The following FOXP2 variants were observed in gnomAD, a reference collection of about 807,000 sequenced individuals.
FOXP2 encodes forkhead box protein P2.
A neutral mutation model predicts 115.8 loss-of-function variants in FOXP2; 12 were observed. The ratio of observed to expected loss-of-function variants is 0.10; its 90% CI spans 0.07 to 0.17. FOXP2 has a LOEUF of 0.17. FOXP2 is among the 10% of genes least tolerant of loss of function. FOXP2 has a pLI of 1.00. For missense variants in FOXP2, 629 were observed against 843.5 expected, an observed-to-expected ratio of 0.75 and a Z score of 3.15; for synonymous variants, 328 against 297.7, an observed-to-expected ratio of 1.10 and a Z score of -1.05.
At chr7:114,250,468 AC>A (rs1396551374) in intron 1 of FOXP2, among the ~76,000 whole-genome samples, 1 of 152,090 alleles carries the variant, frequency 6.6e-6, no homozygotes, top group Non-Finnish European at 1.5e-5. Context: ...TTGTTTCCTG[AC>A]TTTTTAATGA....
At chr7:114,326,936 T>C (rs149916857) in intron 2 of FOXP2, among the ~76,000 whole-genome samples, 1 of 152,332 alleles carries the variant, frequency 6.6e-6, no homozygotes, top group African/African-American at 2.4e-5. Context: ...TCAAATGACC[T>C]ACATTTATTT....
intron 2 of FOXP2, among the ~76,000 whole-genome samples, chr7:114,328,195 A>G (rs1004558338): frequency 6.7e-6 from 1 of 149,774 alleles, no homozygotes; most frequent in African/African-American, 2.5e-5. Flanking sequence ...CTGAGATTAC[A>G]GGTGTGAGCC....
At chr7:114,656,570 G>C (rs1806601800) in intron 10 of FOXP2, 1 of 422,432 alleles carries the variant, frequency 2.4e-6, no homozygotes, top group Admixed American at 2.8e-5. Flanking sequence ...CAGCATTTAG[G>C]AGCATTATCT....
chr7:114,610,023 A>G (rs966138656), intron 3 of FOXP2, among the ~76,000 whole-genome samples: 1 of 152,244 alleles, frequency 6.6e-6, no homozygotes, highest in African/African-American at 2.4e-5. Flanking sequence ...CTGTCTGTGC[A>G]TGAACTAACA....
chr7:114,471,758 T>C (rs930773155), intron 2 of FOXP2, among the ~76,000 whole-genome samples: 28 of 150,236 alleles, frequency 1.9e-4, no homozygotes, highest in Non-Finnish European at 3.3e-4. Context: ...GAGACCAGCC[T>C]GGCCAACATG....
chr7:114,427,692 T>C (rs1438458606), intron 2 of FOXP2, among the ~76,000 whole-genome samples: 1 of 151,590 alleles, frequency 6.6e-6, no homozygotes, highest in East Asian at 1.9e-4. Flanking sequence ...TTTAAGGTAG[T>C]ATATAATGAG....
chr7:114,121,688 T>C (rs1791570898), intron 1 of FOXP2, among the ~76,000 whole-genome samples: 1 of 152,020 alleles, frequency 6.6e-6, no homozygotes, highest in Non-Finnish European at 1.5e-5. Flanking sequence ...TGTTGAAAGA[T>C]TGAGAAACAA....
chr7:114,636,212 T>C (rs922411680), intron 6 of FOXP2, among the ~76,000 whole-genome samples: 3 of 152,192 alleles, frequency 2.0e-5, no homozygotes, highest in African/African-American at 7.2e-5. Flanking sequence ...GAAGAAGAGA[T>C]ATGGGTATCC....
intron 1 of FOXP2, among the ~76,000 whole-genome samples, chr7:114,182,615 T>C (rs1002488812): frequency 4.6e-5 from 7 of 151,742 alleles, no homozygotes; most frequent in African/African-American, 1.7e-4. Context: ...ATTGTGTTTG[T>C]CTTTTTTTTT....
chr7:114,484,669 T>C (rs772718745), intron 2 of FOXP2, among the ~76,000 whole-genome samples: 4 of 151,966 alleles, frequency 2.6e-5, no homozygotes, highest in African/African-American at 4.8e-5. Flanking sequence ...TGTTAATTTT[T>C]GCATAAGAAA....
chr7:114,294,773 G>A (rs759270117), intron 2 of FOXP2, among the ~76,000 whole-genome samples: 8 of 151,906 alleles, frequency 5.3e-5, no homozygotes, highest in Non-Finnish European at 8.8e-5. Flanking sequence ...CCCGGGAGGC[G>A]GAGGTTGCAG....
chr7:114,659,300 A>T lies in FOXP2; in HGVS notation c.1469-56A>T. ...AATACTAGAGGAAATATGAAAATTC[A>T]ATTATATATAATGTGAATTATTAGC... On this transcript the variant is annotated intron_variant, in intron 11 of 16. Transcript: ENST00000350908. 3.2e-6 allele frequency: 4 copies of T among 1,252,252 alleles called. No individual in the cohort carries two copies. In the South Asian group the frequency reaches 3.7e-5, roughly 11 times the overall value. The allele number at this position is 1,252,252 out of a possible 1,614,324, so 77.6% of individuals were successfully genotyped here.
chr7:114,273,035 A>G (rs912249812), intron 1 of FOXP2, among the ~76,000 whole-genome samples: 11 of 151,916 alleles, frequency 7.2e-5, no homozygotes, highest in Non-Finnish European at 1.5e-5. Flanking sequence ...AACATAGGTC[A>G]TGGATTTCAT....
chr7:114,415,634 A>G (rs1252296406), intron 1 of FOXP2, among the ~76,000 whole-genome samples: 1 of 151,992 alleles, frequency 6.6e-6, no homozygotes, highest in East Asian at 1.9e-4. Context: ...GTATTAAAAA[A>G]AAATCTGCAA....
At chr7:114,156,806 A>ATCC (rs1196400769) in intron 1 of FOXP2, among the ~76,000 whole-genome samples, 1 of 152,132 alleles carries the variant, frequency 6.6e-6, no homozygotes, top group Non-Finnish European at 1.5e-5. Context: ...TAGGAAAGAC[A>ATCC]TTTATCTTAT....
intron 2 of FOXP2, among the ~76,000 whole-genome samples, chr7:114,480,264 C>T (rs1162671073): frequency 2.0e-5 from 3 of 151,022 alleles, no homozygotes; most frequent in African/African-American, 7.3e-5. Context: ...CCCCTGTCCC[C>T]CTCTTCCTCC....
chr7:114,546,987 T>C (rs1799956389), intron 3 of FOXP2, among the ~76,000 whole-genome samples: 1 of 152,210 alleles, frequency 6.6e-6, no homozygotes, highest in African/African-American at 2.4e-5. Flanking sequence ...ATCACTTCCA[T>C]TCAACTGATG....
chr7:114,186,383 G>A (rs10243972), intron 1 of FOXP2, among the ~76,000 whole-genome samples: 15,880 of 151,972 alleles, frequency 0.1, 1,551 homozygotes, highest in African/African-American at 0.26. Flanking sequence ...GGGAGAAATA[G>A]GTAAGAAAAA....
At chr7:114,292,210 G>C (rs1796622816) in intron 2 of FOXP2, among the ~76,000 whole-genome samples, 1 of 151,468 alleles carries the variant, frequency 6.6e-6, no homozygotes, top group African/African-American at 2.4e-5. Context: ...CATGAACTTG[G>C]GGGCCACTCT....
Sources: allele counts gnomAD v4.1 joint callset (sites outside exome capture counted in the v4.1 genomes callset), GRCh38; gene constraint gnomAD v4.1.1; transcripts MANE v1.5; gene names NCBI Gene and HGNC (gene_info 2026-07-23, HGNC 2026-07-21).